SMC6: variants seen among roughly 807,000 people sequenced by gnomAD.
The protein encoded by SMC6 is structural maintenance of chromosomes 6.
A neutral mutation model predicts 142.2 loss-of-function variants in SMC6; 79 were observed. The ratio of observed to expected loss-of-function variants is 0.56; its 90% CI spans 0.46 to 0.67. The LOEUF is 0.67. Ranked by LOEUF, SMC6 falls within the 30% of genes least tolerant of loss-of-function variation. SMC6 has a pLI of 0.00. For missense variants in SMC6, 1,072 were observed against 1,284.0 expected, an observed-to-expected ratio of 0.83 and a Z score of 2.52; for synonymous variants, 411 against 412.4, an observed-to-expected ratio of 1.00 and a Z score of 0.04.
At chr2:17,679,190 A>G (rs1051472439) in intron 24 of SMC6, 5 of 409,954 alleles carry the variant, frequency 1.2e-5, no homozygotes, top group Non-Finnish European at 1.7e-5. Flanking sequence ...TAACAAAAAA[A>G]TTAATGAAAT....
Position 17,700,352 on chromosome 2 carries a change from G to T in SMC6, c.2250C>A (p.Ser750Arg). 1.2e-6 allele frequency: 2 copies of T among 1,603,498 alleles called. No homozygotes were observed. The highest frequency in any genetic ancestry group is 1.7e-6 in the Non-Finnish European group (2 of 1,176,054). Residue 750 changes from serine (S) to arginine (R), a missense_variant, in exon 21 of 28, where the codon AGC (serine) becomes AGA (arginine). Physicochemically the swap from Ser to Arg is moderately radical, Grantham distance 110. Transcript: ENST00000448223. ...TLEDEAQENK[S>R]KMKMVEEHME... ...TATGTTCCTCAACCATTTTCATTTT[G>T]CTTTTATTTTCCTGAGCTTCATCTT...
chr2:17,696,562 T>C lies in SMC6; in HGVS notation c.2395-136A>G, dbSNP rs1667997077. On this transcript the variant is annotated intron_variant, in intron 21 of 27. Coordinates refer to ENST00000448223, the MANE Select transcript of SMC6 (RefSeq NM_001142286.2). The stretch of plus-strand genomic sequence containing the variant: ...AAGTGTTATTATATCCATATGTGTC[T>C]GAATAGAAGTGAGGAGTTTCCCAAA... 4 of 792,286 alleles carry C rather than the reference T, an allele frequency of 5.0e-6. No individual in the cohort carries two copies. The East Asian group carries it at 1.2e-4, about 23-fold the overall frequency. 49.1% of individuals were successfully genotyped at this position (792,286 alleles called of 1,614,324 possible). A position where few individuals can be genotyped will look rare whatever the true frequency, so the allele number is the denominator to read the frequency against.
rs577775277 is a variant in SMC6 at position 17,726,784 on chromosome 2, G to A, written c.544-315C>T. ...TAAAGTTTTTCACTTCTTACCTGCT[G>A]TATAGAATATCACCCTCATGCCACT... On this transcript the variant is annotated intron_variant, in intron 7 of 27. Coordinates refer to ENST00000448223, the MANE Select transcript of SMC6 (RefSeq NM_001142286.2). 7.9e-5 allele frequency among the ~76,000 whole-genome samples: 12 copies of A among 152,300 alleles called. No homozygotes were observed. In the South Asian group the frequency reaches 2.1e-3, roughly 26 times the overall value.
chr2:17,680,356 A>G (rs367775659), intron 24 of SMC6: 21 of 152,338 alleles, frequency 1.4e-4, no homozygotes, highest in African/African-American at 5.0e-4. Flanking sequence ...TTCCCACTGC[A>G]TACAAAAGTT....
intron 16 of SMC6, among the ~76,000 whole-genome samples, chr2:17,712,594 C>G (rs2124982604): frequency 6.6e-6 from 1 of 152,256 alleles, no homozygotes; most frequent in Non-Finnish European, 1.5e-5. Context: ...AGGCATCTTC[C>G]TAGGTACCTC....
rs1219618963 is a variant in SMC6 at position 17,714,901 on chromosome 2, CTATTAT to C, written c.1684_1689del (p.Ile562_Ile563del). 6.2e-7 allele frequency: 1 copy of C among 1,613,250 alleles called. No homozygotes were observed. The highest frequency in any genetic ancestry group is 2.2e-5 in the East Asian group (1 of 44,864). On this transcript the variant is annotated inframe_deletion, in exon 16 of 28. Coordinates refer to ENST00000448223, the MANE Select transcript of SMC6 (RefSeq NM_001142286.2). ...TATATCTCATTCCGAAACTCAGAAA[CTATTAT>C]CGGTGGCCGTGAGGTCCCTGGTAAA...
rs370931503 is a variant in SMC6, at chr2:17,700,401, T to G, written c.2224-23A>C. ...TTCCTGATAAAATTTAAACAGCATA[T>G]AAGGTTAATTAAAATACTTTAAGTT... On this transcript the variant is annotated intron_variant, in intron 20 of 27. Transcript: ENST00000448223. 274 of 1,527,058 alleles carry G rather than the reference T, an allele frequency of 1.8e-4. 1 individual carries two copies. Among genetic ancestry groups the G allele is most frequent in the Non-Finnish European group, 1.7e-4 (192 of 1,137,192 alleles). The allele number at this position is 1,527,058 out of a possible 1,614,324, so 94.6% of individuals were successfully genotyped here.
rs368625239 is a variant in SMC6 at position 17,679,905 on chromosome 2, A to C, written c.2805-941T>G. 6.6e-5 allele frequency: 10 copies of C among 152,230 alleles called. No individual in the cohort carries two copies. The East Asian group carries it at 1.4e-3, about 21-fold the overall frequency. 9.4% of individuals were successfully genotyped at this position (152,230 alleles called of 1,614,324 possible). A position where few individuals can be genotyped will look rare whatever the true frequency, so the allele number is the denominator to read the frequency against. On this transcript the variant is annotated intron_variant, in intron 24 of 27. Coordinates refer to ENST00000448223, the MANE Select transcript of SMC6 (RefSeq NM_001142286.2). ...TTCATAACATCTTTGCTCCCTAGTA[A>C]ACCTAAGGCTCATTTCTCTGGTACT...
intron 5 of SMC6, among the ~76,000 whole-genome samples, chr2:17,733,222 T>TTACTGC (rs1341031900): frequency 6.6e-6 from 1 of 152,220 alleles, no homozygotes; most frequent in Non-Finnish European, 1.5e-5. Flanking sequence ...TCATTGTGAA[T>TTACTGC]TACTGCTAAG....
chr2:17,718,350 T>A (rs1572324127), intron 11 of SMC6, 127 bp from the exon 12 acceptor site: 2 of 534,688 alleles, frequency 3.7e-6, no homozygotes, highest in Non-Finnish European at 6.1e-6. Context: ...CAAATAAACA[T>A]AACATAACAT....
At chr2:17,689,336 T>A (rs1019804413) in intron 23 of SMC6, among the ~76,000 whole-genome samples, 3 of 152,160 alleles carry the variant, frequency 2.0e-5, no homozygotes, top group Admixed American at 2.0e-4. Context: ...CTAGACTGCA[T>A]CTGATATCGT....
At chr2:17,741,583 A>C in intron 4 of SMC6, 29 bp downstream of exon 4, 1 of 1,446,518 alleles carries the variant, frequency 6.9e-7, no homozygotes, top group Non-Finnish European at 9.6e-7. Flanking sequence ...TACTGCTCAA[A>C]GTCAAACGAG....
At position 17,745,849 on chromosome 2, in the gene SMC6, T is replaced by A. The variant is rs1485213664; in HGVS notation, c.98A>T (p.Asp33Val). 5.6e-6 allele frequency: 9 copies of A among 1,611,636 alleles called. No individual in the cohort carries two copies. Among genetic ancestry groups the A allele is most frequent in the Non-Finnish European group, 7.6e-6 (9 of 1,179,258 alleles). ...LEDFDKDGDEDECKGTTLTAA... is the reference protein window; with the variant it reads ...LEDFDKDGDEVECKGTTLTAA... Reference sequence around the variant, plus strand: ...TACCAAAGTAGTACCTTTACATTCGTCTTCGTCACCATCTTTATCAAAATC... The same window carrying A: ...TACCAAAGTAGTACCTTTACATTCGACTTCGTCACCATCTTTATCAAAATC... The change falls in exon 3 of 28, where the codon GAC becomes GTC. Residue 33 changes from aspartate to valine, a missense_variant. Physicochemically the swap from Asp to Val is radical, Grantham distance 152 (BLOSUM62 -3). Around this residue, in one of 3 missense-constraint regions of SMC6, gnomAD observed 994 missense variants for 1,153.2 expected, o/e 0.86. Transcript: ENST00000448223.
intron 16 of SMC6, chr2:17,713,478 C>T (rs1410957670): frequency 8.5e-6 from 4 of 470,986 alleles, no homozygotes; most frequent in Non-Finnish European, 1.8e-5. Flanking sequence ...GGCTGGGACA[C>T]ACAATGTGCC....
rs1669924672 is a variant in SMC6 at position 17,731,767 on chromosome 2, C to T, written c.455G>A (p.Arg152Gln). Residue 152 changes from arginine (R) to glutamine (Q), a missense_variant, in exon 6 of 28, where the codon CGA becomes CAA. By Grantham distance (43) the Arg-to-Gln change is conservative. Around this residue, in one of 3 missense-constraint regions of SMC6, gnomAD observed 994 missense variants for 1,153.2 expected, o/e 0.86. Coordinates refer to ENST00000448223, the MANE Select transcript of SMC6 (RefSeq NM_001142286.2). ...IQQHISIDGS[R>Q]SYKLKSATGS... Reference sequence around the variant, plus strand: ...TGTTGCACTTTTAAGTTTATAAGATCGACTTCCATCTATGCTGATGTGTTG... The same window carrying T: ...TGTTGCACTTTTAAGTTTATAAGATTGACTTCCATCTATGCTGATGTGTTG... The T allele has an allele frequency of 6.2e-7, 1 of 1,612,498 alleles. No individual in the cohort carries two copies. The highest frequency in any genetic ancestry group is 8.5e-7 in the Non-Finnish European group (1 of 1,179,324).
chr2:17,735,028 G>C (rs926555227), intron 5 of SMC6, among the ~76,000 whole-genome samples: 3 of 152,104 alleles, frequency 2.0e-5, no homozygotes, highest in African/African-American at 7.2e-5. Flanking sequence ...ACAGTGCCTG[G>C]CCTGCTATAT....
chr2:17,748,039 G>T (rs971400403), intron 2 of SMC6, among the ~76,000 whole-genome samples: 2 of 152,120 alleles, frequency 1.3e-5, no homozygotes, highest in Non-Finnish European at 2.9e-5. Context: ...CAGCTACAGG[G>T]GGATACTAAA....
chr2:17,696,509 T>C, intron 21 of SMC6, 83 bp from the exon 22 acceptor site: 1 of 1,416,812 alleles, frequency 7.1e-7, no homozygotes, highest in Non-Finnish European at 9.7e-7. Flanking sequence ...CTCGGTAAAG[T>C]GGCTAGGATT....
At chr2:17,721,449 G>GA (rs1669371557) in intron 9 of SMC6, among the ~76,000 whole-genome samples, 188 bp from the exon 10 acceptor site, 2 of 152,016 alleles carry the variant, frequency 1.3e-5, no homozygotes, top group African/African-American at 4.8e-5. Context: ...ATAATTTTGT[G>GA]AATTTCTGCA....
Sources: allele counts gnomAD v4.1 joint callset (sites outside exome capture counted in the v4.1 genomes callset), GRCh38; gene constraint gnomAD v4.1.1; regional missense constraint gnomAD v4.1.1; transcripts MANE v1.5; gene names NCBI Gene and HGNC (gene_info 2026-07-23, HGNC 2026-07-21).